JCHAIN: variants seen among roughly 807,000 people sequenced by gnomAD.
JCHAIN encodes immunoglobulin J chain.
In JCHAIN, 5 loss-of-function variants were observed where a neutral mutation model predicts 11.1. The observed-to-expected ratio is 0.45, with a 90% confidence interval of 0.24 to 0.95. The LOEUF (loss-of-function observed/expected upper bound fraction) is 0.95, where lower values mean the gene tolerates loss of function less well. JCHAIN is among the 40% of genes least tolerant of loss of function. The pLI is 0.21. For synonymous variants in JCHAIN, 51 were observed against 67.8 expected (o/e 0.75, Z 1.22); for missense variants, 165 against 192.7 (o/e 0.86, Z 0.85).
In JCHAIN at chr4:70,656,495, A is replaced by G. The variant is rs374027021; in HGVS notation, c.314T>C (p.Ile105Thr). The G allele has an allele frequency of 3.7e-6, 6 of 1,613,662 alleles. No individual in the cohort carries two copies. The South Asian group carries it at 4.4e-5, about 12-fold the overall frequency. ...DPTEVELDNQ[I>T]VTATQSNICD... is the part of the protein sequence containing the mutation. ...GATATTGCTCTGGGTAGCAGTAACTATCTGATTATCCAGCTCCACTTCTGT... is the reference window on the plus strand; with the variant it reads ...GATATTGCTCTGGGTAGCAGTAACTGTCTGATTATCCAGCTCCACTTCTGT... Residue 105 changes from isoleucine to threonine, a missense_variant, in exon 4 of 4, where the codon ATA (isoleucine) becomes ACA (threonine). Ile to Thr is a moderately conservative substitution (Grantham distance 89, BLOSUM62 -1). Transcript: ENST00000254801.
chr4:70,660,378 ATTTTT>A (rs11290121), intron 2 of JCHAIN, among the ~76,000 whole-genome samples: 3 of 134,204 alleles, frequency 2.2e-5, no homozygotes, highest in African/African-American at 8.5e-5. Context: ...GCAGTGCTGA[ATTTTT>A]TTTTTTTTTT....
chr4:70,662,947 A>G (rs1739089779), intron 1 of JCHAIN, among the ~76,000 whole-genome samples: 1 of 151,464 alleles, frequency 6.6e-6, no homozygotes, highest in South Asian at 2.1e-4. Context: ...CAACAGAGTG[A>G]GACTTCATCT....
chr4:70,657,693 G>C (rs1399442977), intron 2 of JCHAIN, among the ~76,000 whole-genome samples: 2 of 152,050 alleles, frequency 1.3e-5, no homozygotes, highest in Admixed American at 6.6e-5. Context: ...TCTACAGAGT[G>C]GTTGCTTCCC....
At chr4:70,659,848 C>T (rs778120219) in intron 2 of JCHAIN, among the ~76,000 whole-genome samples, 1 of 151,958 alleles carries the variant, frequency 6.6e-6, no homozygotes, top group Non-Finnish European at 1.5e-5. Flanking sequence ...ACCCGGGTGA[C>T]AGAGGGAGAC....
At chr4:70,660,125 C>T (rs891626085) in intron 2 of JCHAIN, among the ~76,000 whole-genome samples, 2 of 152,130 alleles carry the variant, frequency 1.3e-5, no homozygotes, top group Admixed American at 1.3e-4. Flanking sequence ...GGCTTAAGTG[C>T]CAGTGTCATG....
chr4:70,663,625 A>G (rs1036003717), intron 1 of JCHAIN: 46 of 152,028 alleles, frequency 3.0e-4, no homozygotes, highest in African/African-American at 1.1e-3. Flanking sequence ...CAATGGCGTG[A>G]TCTCAGCTCA....
chr4:70,658,780 T>C (rs1739001967), intron 2 of JCHAIN, among the ~76,000 whole-genome samples: 1 of 152,102 alleles, frequency 6.6e-6, no homozygotes, highest in South Asian at 2.1e-4. Context: ...ACCCTTCTCC[T>C]CTCCCCCAGG....
intron 2 of JCHAIN, among the ~76,000 whole-genome samples, chr4:70,660,631 G>A (rs950148212): frequency 4.6e-5 from 7 of 152,000 alleles, no homozygotes; most frequent in South Asian, 2.1e-4. Context: ...TGATCCACCC[G>A]CCTCGGCCTC....
At position 70,655,671 on chromosome 4, in the gene JCHAIN, G is replaced by GA. The variant is rs1553889366; in HGVS notation, c.*657dup. The GA allele has an allele frequency of 6.6e-6, 1 of 151,786 alleles. No homozygotes were observed. The highest frequency in any genetic ancestry group is 1.5e-5 in the Non-Finnish European group (1 of 67,918). 9.4% of individuals were successfully genotyped at this position (151,786 alleles called of 1,614,324 possible). A position where few individuals can be genotyped will look rare whatever the true frequency, so the allele number is the denominator to read the frequency against. On this transcript the variant is annotated 3_prime_UTR_variant, in exon 4 of 4. Coordinates refer to ENST00000254801, the MANE Select transcript of JCHAIN (RefSeq NM_144646.4). ...CAATTTCTTACACTAACCTGATTAT[G>GA]AAAAAAAGAAGTCTGTATCATCTGC...
intron 2 of JCHAIN, among the ~76,000 whole-genome samples, 154 bp from the exon 3 acceptor site, chr4:70,657,445 A>G (rs1294658685): frequency 6.6e-6 from 1 of 152,216 alleles, no homozygotes; most frequent in Non-Finnish European, 1.5e-5. Flanking sequence ...TCAGATTTTT[A>G]TAGTAACTTG....
chr4:70,657,189 T>C (rs1278986147), intron 3 of JCHAIN, 22 bp downstream of exon 3: 1 of 1,370,442 alleles, frequency 7.3e-7, no homozygotes, highest in Non-Finnish European at 1.0e-6. Flanking sequence ...TCTATATTAC[T>C]ATGGAAAAAA....
chr4:70,657,174 C>G (rs370304781), intron 3 of JCHAIN, 37 bp downstream of exon 3: 24 of 1,099,022 alleles, frequency 2.2e-5, no homozygotes, highest in Non-Finnish European at 3.3e-5. Flanking sequence ...CTATTAACTT[C>G]CACATCTATA....
At chr4:70,658,831 C>T (rs565665460) in intron 2 of JCHAIN, among the ~76,000 whole-genome samples, 88 of 152,322 alleles carry the variant, frequency 5.8e-4, no homozygotes, top group African/African-American at 2.0e-3. Flanking sequence ...TATAACAACC[C>T]ATGCCCATTC....
At chr4:70,666,296 T>C in intron 1 of JCHAIN, 131 bp downstream of exon 1, 1 of 623,856 alleles carries the variant, frequency 1.6e-6, no homozygotes, top group Admixed American at 3.0e-5. Context: ...CATAGAAAGA[T>C]GAAAGCATGT....
Position 70,656,393 on chromosome 4 carries a change from A to G in JCHAIN, c.416T>C (p.Val139Ala), listed in dbSNP as rs1387923396. ...NKCYTAVVPLVYGGETKMVET... is the reference protein window; with the variant it reads ...NKCYTAVVPLAYGGETKMVET... ...CACCATTTTGGTCTCACCACCATAT[A>G]CGAGTGGGACCACAGCTGTGTAGCA... The change falls in exon 4 of 4, where the codon GTA becomes GCA. Residue 139 changes from valine to alanine, a missense_variant. Transcript: ENST00000254801. 6.2e-7 allele frequency: 1 copy of G among 1,614,082 alleles called. No individual in the cohort carries two copies. The highest frequency in any genetic ancestry group is 2.2e-5 in the East Asian group (1 of 44,876).
At chr4:70,666,379 T>C in intron 1 of JCHAIN, 48 bp downstream of exon 1, 1 of 1,314,322 alleles carries the variant, frequency 7.6e-7, no homozygotes, top group South Asian at 1.2e-5. Flanking sequence ...AACAGATCTG[T>C]CCTATATTTT....
chr4:70,660,207 T>G (rs1739028220), intron 2 of JCHAIN, among the ~76,000 whole-genome samples: 1 of 152,048 alleles, frequency 6.6e-6, no homozygotes, highest in South Asian at 2.1e-4. Context: ...GGGCAGGATC[T>G]GAGTGGTCAA....
At chr4:70,660,894 A>G (rs1739042352) in intron 2 of JCHAIN, among the ~76,000 whole-genome samples, 1 of 152,204 alleles carries the variant, frequency 6.6e-6, no homozygotes, top group South Asian at 2.1e-4. Flanking sequence ...ATTTTTTAAT[A>G]TGTCCCAGAA....
intron 3 of JCHAIN, 113 bp downstream of exon 3, chr4:70,657,098 T>C: frequency 3.7e-6 from 2 of 534,428 alleles, no homozygotes; most frequent in Non-Finnish European, 6.7e-6. Context: ...TCAGATTATG[T>C]TTGTAAATGT....
Sources: allele counts gnomAD v4.1 joint callset (sites outside exome capture counted in the v4.1 genomes callset), GRCh38; gene constraint gnomAD v4.1.1; transcripts MANE v1.5; gene names NCBI Gene and HGNC (gene_info 2026-07-23, HGNC 2026-07-21).